REELD1: variants seen among roughly 807,000 people sequenced by gnomAD.
The protein encoded by REELD1 is reelin domain-containing protein 1.
REELD1 carries 12 observed loss-of-function variants against 6.3 expected under a neutral mutation model. That is an observed-to-expected ratio of 1.89 (90% confidence interval 1.21 to 3.07). REELD1 has a LOEUF of 3.07. Among genes scored for constraint, REELD1 ranks in the 30% most tolerant of loss-of-function variants. The probability of loss-of-function intolerance (pLI) is 0.00; values close to 1 mark genes in which losing one functional copy is unlikely to be tolerated. For synonymous variants in REELD1, 57 were observed against 33.6 expected (o/e 1.70, Z -2.42); for missense variants, 163 against 86.8 (o/e 1.88, Z -3.49).
chr4:146,220,953 T>C (rs1730912945), intron 3 of REELD1, among the ~76,000 whole-genome samples: 1 of 152,230 alleles, frequency 6.6e-6, no homozygotes. Context: ...CATCAGTGTT[T>C]GCCATATTTA....
In REELD1 at chr4:146,228,527, G is replaced by C. The variant is rs1312718480; in HGVS notation, c.908+5G>C. The C allele has an allele frequency of 1.4e-6, 1 of 699,146 alleles. No individual in the cohort carries two copies. Among genetic ancestry groups the C allele is most frequent in the Admixed American group, 2.0e-5 (1 of 49,804 alleles). The allele number at this position is 699,146 out of a possible 1,614,324, so 43.3% of individuals were successfully genotyped here. ...CAGCCTTAGCACCCATCACAGGTAA[G>C]GGTGATGGGTGGGCCATTCAGGACA... On this transcript the variant is annotated splice_donor_5th_base_variant and intron_variant, in intron 6 of 7. Coordinates refer to ENST00000623665, the MANE Select transcript of REELD1 (RefSeq NM_001354631.1).
chr4:146,216,297 G>C (rs971152118), intron 2 of REELD1, among the ~76,000 whole-genome samples: 1 of 152,168 alleles, frequency 6.6e-6, no homozygotes, highest in African/African-American at 2.4e-5. Flanking sequence ...TGTTTAAGAA[G>C]TTATAGAATA....
chr4:146,224,527 C>A lies in REELD1; in HGVS notation c.514C>A (p.His172Asn), dbSNP rs1730985811. Residue 172 changes from histidine (H) to asparagine (N), a missense_variant, in exon 5 of 8, where the codon CAT (histidine) becomes AAT (asparagine). Transcript: ENST00000623665. The part of the protein sequence containing the change: ...VVSQQTHSSA[H>N]SDDRMEPRLL... The stretch of plus-strand genomic sequence containing the variant: ...GTCTCAACAGACACATAGCAGCGCC[C>A]ATTCTGACGACCGCATGGAGCCCAG... 1.4e-6 allele frequency: 1 copy of A among 701,684 alleles called. No homozygotes were observed. The highest frequency in any genetic ancestry group is 2.6e-6 in the Non-Finnish European group (1 of 384,834). 43.5% of individuals were successfully genotyped at this position (701,684 alleles called of 1,614,324 possible).
rs955613651 is a variant in REELD1 at position 146,229,913 on chromosome 4, G to A, written c.981G>A (p.Thr327=). ...TCCCTTTGTTTTTCTAGGACAAGACGAAGGCCTCTAACAGGACCGTGACAC... is the reference window on the plus strand; with the variant it reads ...TCCCTTTGTTTTTCTAGGACAAGACAAAGGCCTCTAACAGGACCGTGACAC... ...LSSDGGEQDK[T]KASNRTVTQP... The change falls in exon 8 of 8, where the codon ACG becomes ACA. Residue 327 remains threonine (T), a synonymous_variant. Coordinates refer to ENST00000623665, the MANE Select transcript of REELD1 (RefSeq NM_001354631.1). 1.3e-5 allele frequency: 5 copies of A among 398,576 alleles called. No individual in the cohort carries two copies. The highest frequency in any genetic ancestry group is 2.1e-5 in the African/African-American group (1 of 48,718). The allele number at this position is 398,576 out of a possible 1,614,324, so 24.7% of individuals were successfully genotyped here. A position where few individuals can be genotyped will look rare whatever the true frequency, so the allele number is the denominator to read the frequency against.
intron 2 of REELD1, among the ~76,000 whole-genome samples, chr4:146,215,987 G>T (rs189273110): frequency 1.2e-3 from 176 of 152,248 alleles, no homozygotes; most frequent in Non-Finnish European, 4.6e-4. Context: ...CTGTGCTCAC[G>T]CAATCCACCT....
intron 5 of REELD1, among the ~76,000 whole-genome samples, chr4:146,227,416 T>G (rs74483211): frequency 3.3e-5 from 5 of 152,234 alleles, no homozygotes; most frequent in Non-Finnish European, 7.3e-5. Context: ...AATGCCATCA[T>G]GTCATCCTCA....
chr4:146,227,595 A>G (rs1991979), intron 5 of REELD1, among the ~76,000 whole-genome samples: 62,565 of 152,008 alleles, frequency 0.41, 13,554 homozygotes, highest in African/African-American at 0.53. Context: ...CCAAAGCCAG[A>G]AATTAGTGGA....
chr4:146,231,187 C>T lies in REELD1; in HGVS notation c.*674C>T, dbSNP rs1366656351. 1.3e-5 allele frequency among the ~76,000 whole-genome samples: 2 copies of T among 152,130 alleles called. No individual in the cohort carries two copies. The highest frequency in any genetic ancestry group is 2.9e-5 in the Non-Finnish European group (2 of 68,030). On this transcript the variant is annotated 3_prime_UTR_variant, in exon 8 of 8. Coordinates refer to ENST00000623665, the MANE Select transcript of REELD1 (RefSeq NM_001354631.1). ...AAAACATATACATGCAACACAAGGC[C>T]GTAAACACCAGAGTGGGGTAAGAAA...
intron 7 of REELD1, 66 bp downstream of exon 7, chr4:146,229,154 G>C (rs1418802536): frequency 2.9e-6 from 2 of 690,896 alleles, no homozygotes; most frequent in Non-Finnish European, 5.3e-6. Flanking sequence ...TCAGTTTCAG[G>C]CTGGGAAATC....
At chr4:146,217,926 T>C (rs1372301752) in intron 3 of REELD1, among the ~76,000 whole-genome samples, 2 of 152,262 alleles carry the variant, frequency 1.3e-5, no homozygotes, top group African/African-American at 4.8e-5. Flanking sequence ...ATATACAATT[T>C]GACATTTTTT....
intron 3 of REELD1, among the ~76,000 whole-genome samples, chr4:146,218,622 T>TA (rs1416520508): frequency 1.3e-5 from 2 of 152,208 alleles, no homozygotes; most frequent in Non-Finnish European, 2.9e-5. Flanking sequence ...CTCCCCAATA[T>TA]ACTGAATTAA....
chr4:146,221,881 C>G (rs1181121793), intron 3 of REELD1, among the ~76,000 whole-genome samples: 1 of 151,992 alleles, frequency 6.6e-6, no homozygotes, highest in Non-Finnish European at 1.5e-5. Flanking sequence ...TATTACTAAG[C>G]TTTTTTTATT....
chr4:146,215,912 A>G (rs1313119198), intron 2 of REELD1, among the ~76,000 whole-genome samples: 1 of 151,996 alleles, frequency 6.6e-6, no homozygotes, highest in African/African-American at 2.4e-5. Context: ...CACCACACCC[A>G]GCTAATTTTT....
At chr4:146,221,048 T>G (rs1402313013) in intron 3 of REELD1, among the ~76,000 whole-genome samples, 1 of 152,232 alleles carries the variant, frequency 6.6e-6, no homozygotes, top group Non-Finnish European at 1.5e-5. Flanking sequence ...GCATTTCTTT[T>G]ATTGTGTTTA....
At chr4:146,228,106 A>G (rs1388210880) in intron 5 of REELD1, 104 bp from the exon 6 acceptor site, 5 of 633,692 alleles carry the variant, frequency 7.9e-6, no homozygotes, top group Non-Finnish European at 1.4e-5. Context: ...TCCTTGAGGC[A>G]TATTAGAGTC....
Position 146,232,246 on chromosome 4 carries a change from A to T in REELD1, c.*1733A>T, listed in dbSNP as rs567283601. 2 of 152,306 alleles carry T rather than the reference A, an allele frequency of 1.3e-5. No individual in the cohort carries two copies. Among genetic ancestry groups the T allele is most frequent in the Admixed American group, 1.3e-4 (2 of 15,308 alleles). 9.4% of individuals were successfully genotyped at this position (152,306 alleles called of 1,614,324 possible). A position where few individuals can be genotyped will look rare whatever the true frequency, so the allele number is the denominator to read the frequency against. On this transcript the variant is annotated 3_prime_UTR_variant, in exon 8 of 8. Transcript: ENST00000623665. ...ATTACCTCTAGGCTTAGTAGTTGAA[A>T]ATAAAATCACCACCAACACCACCAT...
chr4:146,215,358 T>A (rs894694542), intron 2 of REELD1, among the ~76,000 whole-genome samples, 160 bp downstream of exon 2: 15 of 152,222 alleles, frequency 9.9e-5, no homozygotes, highest in African/African-American at 3.6e-4. Flanking sequence ...CATGGTTCCT[T>A]GTAGTATGGA....
intron 3 of REELD1, among the ~76,000 whole-genome samples, chr4:146,219,557 G>A (rs562050643): frequency 6.6e-6 from 1 of 152,152 alleles, no homozygotes; most frequent in Non-Finnish European, 1.5e-5. Context: ...ACACCAAGCT[G>A]CATTTAGCAA....
intron 3 of REELD1, 122 bp downstream of exon 3, chr4:146,217,282 GT>G: frequency 2.5e-6 from 1 of 396,204 alleles, no homozygotes. Context: ...CCTTTTTTTT[GT>G]TTTTTGTAGA....
Sources: allele counts gnomAD v4.1 joint callset (sites outside exome capture counted in the v4.1 genomes callset), GRCh38; gene constraint gnomAD v4.1.1; transcripts MANE v1.5; gene names NCBI Gene and HGNC (gene_info 2026-07-23, HGNC 2026-07-21).